The following KATNIP variants were observed in gnomAD, a reference collection of about 807,000 sequenced individuals.
The protein encoded by KATNIP is katanin interacting protein.
KATNIP carries 126 observed loss-of-function variants against 174.0 expected under a neutral mutation model. The ratio of observed to expected loss-of-function variants is 0.72; its 90% CI spans 0.63 to 0.84. The LOEUF (loss-of-function observed/expected upper bound fraction) is 0.84. KATNIP is among the 40% of genes least tolerant of loss of function. KATNIP has a pLI of 0.00. For missense variants in KATNIP, 1,958 were observed against 2,109.7 expected (o/e 0.93, Z 1.41); for synonymous variants, 810 against 835.7 (o/e 0.97, Z 0.53).
At chr16:27,701,267 C>G (rs1016661551) in intron 10 of KATNIP, among the ~76,000 whole-genome samples, 2 of 152,046 alleles carry the variant, frequency 1.3e-5, no homozygotes, top group Non-Finnish European at 2.9e-5. Flanking sequence ...AAGTGATCCT[C>G]CTGCCACAGC....
At chr16:27,559,542 G>C (rs2089769680) in intron 1 of KATNIP, among the ~76,000 whole-genome samples, 1 of 151,616 alleles carries the variant, frequency 6.6e-6, no homozygotes, top group Non-Finnish European at 1.5e-5. Flanking sequence ...AAATTATTTG[G>C]GCATGTTGAC....
intron 5 of KATNIP, 92 bp downstream of exon 5, chr16:27,631,254 A>G (rs559556901): frequency 9.1e-5 from 90 of 987,352 alleles, no homozygotes; most frequent in Non-Finnish European, 1.3e-4. Context: ...TAAAACCCCC[A>G]TGGGCCAGGC....
At chr16:27,563,686 C>T (rs1412558787) in intron 1 of KATNIP, among the ~76,000 whole-genome samples, 2 of 151,898 alleles carry the variant, frequency 1.3e-5, no homozygotes, top group Non-Finnish European at 2.9e-5. Flanking sequence ...GTGGTAGGGT[C>T]TGGTTTTTAT....
intron 3 of KATNIP, among the ~76,000 whole-genome samples, chr16:27,619,825 A>G (rs1031011541): frequency 6.6e-6 from 1 of 152,176 alleles, no homozygotes; most frequent in African/African-American, 2.4e-5. Context: ...TGTGCCCAGC[A>G]GCTCTGTGCT....
rs2081427947 is a variant in KATNIP, at chr16:27,749,774, GC to G, written c.2820del (p.Ser941ProfsTer56). 4 of 1,610,060 alleles carry G rather than the reference GC, an allele frequency of 2.5e-6. No homozygotes were observed. The highest frequency in any genetic ancestry group is 2.2e-5 in the East Asian group (1 of 44,818). ...QQKSSRHSDL[P>X]PSKKGEQPGL... ...AAAAGAGCAGCCGGCACAGCGACTT[GC>G]CCCCCTCCAAGAAGGGGGAGCAGCC... On this transcript the variant is annotated frameshift_variant, in exon 16 of 28. Transcript: ENST00000261588. LOFTEE classifies it high-confidence loss of function.
intron 2 of KATNIP, among the ~76,000 whole-genome samples, chr16:27,578,399 G>A (rs1203189368): frequency 6.6e-6 from 1 of 152,100 alleles, no homozygotes; most frequent in African/African-American, 2.4e-5. Context: ...CCTGTGCCTG[G>A]CCTCTCTGGC....
At chr16:27,770,106 G>T in intron 21 of KATNIP, 88 bp downstream of exon 21, 2 of 1,438,584 alleles carry the variant, frequency 1.4e-6, no homozygotes, top group East Asian at 2.3e-5. Flanking sequence ...ATTCCGAAAG[G>T]GTTTTGAAAC....
chr16:27,611,084 G>A (rs183804465), intron 2 of KATNIP, among the ~76,000 whole-genome samples: 3 of 152,230 alleles, frequency 2.0e-5, no homozygotes, highest in African/African-American at 7.2e-5. Context: ...ATGTCATCAG[G>A]ACCTCTTGAG....
intron 8 of KATNIP, among the ~76,000 whole-genome samples, chr16:27,692,698 C>T (rs2078779484): frequency 1.3e-5 from 2 of 152,210 alleles, no homozygotes; most frequent in African/African-American, 2.4e-5. Context: ...TCTCAAATGA[C>T]AGTGCGTCCC....
intron 13 of KATNIP, among the ~76,000 whole-genome samples, chr16:27,710,317 A>G (rs557333311): frequency 1.1e-4 from 16 of 152,136 alleles, no homozygotes; most frequent in Non-Finnish European, 2.1e-4. Context: ...AGATCGTGCC[A>G]CTACACTCCA....
At position 27,775,080 on chromosome 16, in the gene KATNIP, G is replaced by A; in HGVS notation, c.4445G>A (p.Gly1482Asp). 6.2e-7 allele frequency: 1 copy of A among 1,611,372 alleles called. No homozygotes were observed. Among genetic ancestry groups the A allele is most frequent in the Non-Finnish European group, 8.5e-7 (1 of 1,179,338 alleles). The change falls in exon 24 of 28, where the codon GGC becomes GAC. Residue 1482 changes from glycine to aspartate, a missense_variant. Gly to Asp is a moderately conservative substitution (Grantham distance 94). Around this residue, in one of 3 missense-constraint regions of KATNIP, gnomAD observed 383 missense variants for 456.0 expected, o/e 0.84. Coordinates refer to ENST00000261588, the MANE Select transcript of KATNIP (RefSeq NM_015202.5). ...RHMWLAPILPGLVNRVYVIFD... is the reference protein window; with the variant it reads ...RHMWLAPILPDLVNRVYVIFD... ...ATGTGGCTGGCTCCCATCCTGCCGGGCCTGGTGGGTTCCCGGCAGCGGCCA... is the reference window on the plus strand; with the variant it reads ...ATGTGGCTGGCTCCCATCCTGCCGGACCTGGTGGGTTCCCGGCAGCGGCCA...
intron 19 of KATNIP, among the ~76,000 whole-genome samples, chr16:27,764,092 G>T (rs1170320588): frequency 6.6e-6 from 1 of 152,144 alleles, no homozygotes; most frequent in Non-Finnish European, 1.5e-5. Context: ...GTTGAAAAAT[G>T]GTGGTATTTT....
chr16:27,610,598 G>A (rs1169294878), intron 2 of KATNIP, among the ~76,000 whole-genome samples: 1 of 152,132 alleles, frequency 6.6e-6, no homozygotes, highest in Non-Finnish European at 1.5e-5. Context: ...TTGACTGGTT[G>A]CAGTTGCAGC....
At chr16:27,746,204 G>A (rs930444666) in intron 15 of KATNIP, among the ~76,000 whole-genome samples, 2 of 152,144 alleles carry the variant, frequency 1.3e-5, no homozygotes, top group Non-Finnish European at 2.9e-5. Context: ...CAGAATGAAA[G>A]CAAAGTCCCT....
At chr16:27,696,335 TTTA>T (rs2078910380) in intron 8 of KATNIP, among the ~76,000 whole-genome samples, 1 of 152,256 alleles carries the variant, frequency 6.6e-6, no homozygotes, top group Non-Finnish European at 1.5e-5. Context: ...AATTTTATTT[TTTA>T]TTTTTATTTT....
rs189254495 is a variant in KATNIP, at chr16:27,773,050, T to C, written c.4199-49T>C. On this transcript the variant is annotated intron_variant, in intron 22 of 27. Transcript: ENST00000261588. Reference sequence around the variant, plus strand: ...TTATCTTTGCCATTGTTTTACTATATTCTGAAAAAAAAAAATTAAGCCTTC... The same window carrying C: ...TTATCTTTGCCATTGTTTTACTATACTCTGAAAAAAAAAAATTAAGCCTTC... 5.9e-4 allele frequency: 640 copies of C among 1,085,882 alleles called. 3 individuals carry two copies. The African/African-American group carries it at 9.5e-3, about 16-fold the overall frequency. 67.3% of individuals were successfully genotyped at this position (1,085,882 alleles called of 1,614,324 possible). A position where few individuals can be genotyped will look rare whatever the true frequency, so the allele number is the denominator to read the frequency against.
At chr16:27,655,242 T>C (rs1040942421) in intron 6 of KATNIP, among the ~76,000 whole-genome samples, 1 of 135,210 alleles carries the variant, frequency 7.4e-6, no homozygotes, top group African/African-American at 2.7e-5. Context: ...TGTTTGTTTG[T>C]TTGTTTAAAG....
intron 6 of KATNIP, among the ~76,000 whole-genome samples, chr16:27,674,522 T>C (rs2078038761): frequency 6.6e-6 from 1 of 152,202 alleles, no homozygotes; most frequent in South Asian, 2.1e-4. Flanking sequence ...GCACTATAGC[T>C]CACTCCTCCC....
At chr16:27,633,392 G>T (rs905733849) in intron 5 of KATNIP, among the ~76,000 whole-genome samples, 1 of 148,948 alleles carries the variant, frequency 6.7e-6, no homozygotes, top group Non-Finnish European at 1.5e-5. Context: ...ATTTATTTTT[G>T]TACTATATTT....
Sources: allele counts gnomAD v4.1 joint callset (sites outside exome capture counted in the v4.1 genomes callset), GRCh38; gene constraint gnomAD v4.1.1; regional missense constraint gnomAD v4.1.1; transcripts MANE v1.5; gene names NCBI Gene and HGNC (gene_info 2026-07-23, HGNC 2026-07-21).